Variants in POLA1 observed in about 807,000 individuals in gnomAD.
The protein encoded by POLA1 is DNA polymerase alpha 1, catalytic subunit, also known as DNA polymerase alpha catalytic subunit.
In POLA1, 15 loss-of-function variants were observed where a neutral mutation model predicts 124.0. The ratio of observed to expected loss-of-function variants is 0.12; its 90% CI spans 0.08 to 0.19. POLA1 has a LOEUF of 0.19. POLA1 is among the 10% of genes least tolerant of loss of function. POLA1 has a pLI of 1.00. For synonymous variants in POLA1, 408 were observed against 389.4 expected (o/e 1.05, Z -0.56); for missense variants, 886 against 1,103.4 (o/e 0.80, Z 2.79).
intron 26 of POLA1, among the ~76,000 whole-genome samples, chrX:24,756,929 G>C (rs1036094737): frequency 6.3e-5 from 7 of 111,377 alleles, no homozygotes; most frequent in Non-Finnish European, 1.3e-4. Flanking sequence ...GGAGGGATGA[G>C]TTCTAATTCT....
chrX:24,781,091 T>C (rs2045252063), intron 26 of POLA1, among the ~76,000 whole-genome samples: 4 of 112,265 alleles, frequency 3.6e-5, no homozygotes, highest in Admixed American at 9.4e-5. Flanking sequence ...TAAATAACAT[T>C]CCCTTTTTAT....
intron 10 of POLA1, among the ~76,000 whole-genome samples, chrX:24,718,579 ATCT>A (rs1233465936): frequency 8.9e-6 from 1 of 112,436 alleles, no homozygotes; most frequent in Non-Finnish European, 1.9e-5. Context: ...AGGAGTTTGA[ATCT>A]TCTAAGAGCA....
intron 26 of POLA1, among the ~76,000 whole-genome samples, chrX:24,769,095 C>T (rs886125260): frequency 6.3e-5 from 7 of 111,865 alleles, no homozygotes; most frequent in South Asian, 3.7e-4. Flanking sequence ...TTGTAGATTT[C>T]ACCGAATTTG....
At chrX:24,796,157 CT>C (rs1452366990) in intron 26 of POLA1, among the ~76,000 whole-genome samples, 1 of 110,565 alleles carries the variant, frequency 9.0e-6, no homozygotes, top group Non-Finnish European at 1.9e-5. Context: ...GCTCTTGTGA[CT>C]TGATTGGTGT....
Position 24,727,034 on chromosome X carries a change from G to C in POLA1, c.1494G>C (p.Lys498Asn). Residue 498 changes from lysine (K) to asparagine (N), a missense_variant, in exon 14 of 37, where the codon AAG becomes AAC. Around this residue, in one of 7 missense-constraint regions of POLA1, gnomAD observed 337 missense variants for 402.8 expected, o/e 0.84. Transcript: ENST00000379068. The part of the protein sequence containing the change: ...SSLELFLMNR[K>N]IKGPCWLEVK... ...TGGAACTGTTCTTGATGAACAGAAA[G>C]ATCAAAGGACCTTGTTGGCTTGAAG... 1.7e-6 allele frequency: 2 copies of C among 1,203,609 alleles called. No homozygotes were observed. Among genetic ancestry groups the C allele is most frequent in the Non-Finnish European group, 2.2e-6 (2 of 890,915 alleles).
Position 24,723,213 on chromosome X carries a change from T to C in POLA1, c.1146T>C (p.Cys382=), listed in dbSNP as rs987379192. The C allele has an allele frequency of 1.7e-6, 2 of 1,208,737 alleles. No individual in the cohort carries two copies. The highest frequency in any genetic ancestry group is 5.9e-5 in the East Asian group (2 of 33,849). Residue 382 remains cysteine, a synonymous_variant, in exon 11 of 37, where the codon TGT becomes TGC. Transcript: ENST00000379068. ...WIESAETHVS[C]CVMVKNIERT... ...AATCAGCCGAGACCCATGTGAGCTG[T>C]TGTGTCATGGTGAAAAATATCGAGC...
rs757011390 is a variant in POLA1 at position 24,852,926 on chromosome X, G to C, written c.4047+9249G>C. Reference sequence around the variant, plus strand: ...GCTTCCGTCTCCATCCACCATCAAAGAATGTTCAAGAATCTTGGCATCAAG... The same window carrying C: ...GCTTCCGTCTCCATCCACCATCAAACAATGTTCAAGAATCTTGGCATCAAG... On this transcript the variant is annotated intron_variant, in intron 34 of 36. Coordinates refer to ENST00000379068, the MANE Select transcript of POLA1 (RefSeq NM_001330360.2). Among the ~76,000 whole-genome samples, 7 of 111,859 alleles carry C rather than the reference G, an allele frequency of 6.3e-5. No homozygotes were observed. The South Asian group carries it at 2.7e-3, about 42-fold the overall frequency.
intron 30 of POLA1, among the ~76,000 whole-genome samples, chrX:24,818,564 T>G (rs191140527): frequency 3.9e-4 from 44 of 111,579 alleles, no homozygotes; most frequent in Non-Finnish European, 1.5e-4. Context: ...GTTCTCAGAT[T>G]TCTTGGTCTT....
At chrX:24,845,819 AG>A (rs2046469977) in intron 34 of POLA1, among the ~76,000 whole-genome samples, 1 of 112,120 alleles carries the variant, frequency 8.9e-6, no homozygotes, top group Non-Finnish European at 1.9e-5. Context: ...TGGACATAAA[AG>A]TTGTTTGTGA....
chrX:24,706,669 A>G (rs1486289615), intron 4 of POLA1, among the ~76,000 whole-genome samples: 4 of 112,134 alleles, frequency 3.6e-5, no homozygotes, highest in Non-Finnish European at 3.8e-5. Context: ...CTAAATCAAT[A>G]TCTGTACTAA....
chrX:24,868,855 A>C (rs747615813), intron 34 of POLA1, among the ~76,000 whole-genome samples: 12 of 112,118 alleles, frequency 1.1e-4, no homozygotes, highest in Non-Finnish European at 2.3e-4. Context: ...AAATGTTTTA[A>C]ACATTCCTGA....
intron 20 of POLA1, among the ~76,000 whole-genome samples, chrX:24,741,136 TGTGTGTGTGTGC>T (rs1282101659): frequency 1.2e-5 from 1 of 84,028 alleles, no homozygotes; most frequent in East Asian, 4.5e-4. Context: ...TGTGTGTGTG[TGTGTGTGTGTGC>T]GCGCGTGTGT....
chrX:24,813,895 A>G (rs111448680), intron 29 of POLA1, among the ~76,000 whole-genome samples: 4,809 of 111,373 alleles, frequency 0.043, 289 homozygotes, highest in African/African-American at 0.15. Flanking sequence ...TGAAAGTAGA[A>G]GAATTTTTTA....
At chrX:24,837,714 C>CA (rs2046360445) in intron 32 of POLA1, among the ~76,000 whole-genome samples, 1 of 111,847 alleles carries the variant, frequency 8.9e-6, no homozygotes, top group Admixed American at 9.5e-5. Flanking sequence ...GAAATTTTTA[C>CA]AAAAAAATTT....
At chrX:24,806,053 G>T (rs866865787) in intron 26 of POLA1, among the ~76,000 whole-genome samples, 8 of 35,286 alleles carry the variant, frequency 2.3e-4, no homozygotes, top group East Asian at 9.7e-4. Context: ...GTGGTATGAG[G>T]TTTTTTTTTT....
chrX:24,864,726 G>GT (rs758602081), intron 34 of POLA1, among the ~76,000 whole-genome samples: 3,180 of 98,081 alleles, frequency 0.032, 44 homozygotes, highest in Non-Finnish European at 0.048. Flanking sequence ...GCTATGGAAT[G>GT]TTTTTTTTTT....
At chrX:24,793,870 C>G (rs761989501) in intron 26 of POLA1, among the ~76,000 whole-genome samples, 43 of 111,268 alleles carry the variant, frequency 3.9e-4, no homozygotes, top group Non-Finnish European at 7.4e-4. Context: ...CAGGTGTGAG[C>G]CACCGTGCCC....
chrX:24,951,144 C>G (rs942926968), intron 36 of POLA1, among the ~76,000 whole-genome samples: 1 of 109,375 alleles, frequency 9.1e-6, no homozygotes, highest in Admixed American at 9.8e-5. Flanking sequence ...ATTAATTAAA[C>G]CCTTCATCTT....
chrX:24,886,712 C>T (rs1316471749), intron 34 of POLA1, among the ~76,000 whole-genome samples: 1 of 112,000 alleles, frequency 8.9e-6, no homozygotes, highest in Non-Finnish European at 1.9e-5. Context: ...ATATACTGCT[C>T]TTATCTAAGG....
Sources: gnomAD v4.1 joint callset for allele counts (sites outside exome capture counted in the v4.1 genomes callset) on GRCh38, gnomAD v4.1.1 for gene constraint, gnomAD v4.1.1 regional missense constraint, MANE v1.5 for transcripts, NCBI Gene and HGNC (gene_info 2026-07-23, HGNC 2026-07-21) for gene names.